The following RBFOX1 variants were observed in gnomAD, a reference collection of about 807,000 sequenced individuals.
The protein encoded by RBFOX1 is RNA binding fox-1 homolog 1.
A neutral mutation model predicts 57.7 loss-of-function variants in RBFOX1; 8 were observed. The ratio of observed to expected loss-of-function variants is 0.14; its 90% confidence interval spans 0.08 to 0.25. The LOEUF (loss-of-function observed/expected upper bound fraction) is 0.25. Ranked by LOEUF, RBFOX1 falls within the 10% of genes least tolerant of loss-of-function variation. RBFOX1 has a pLI of 1.00. For missense variants in RBFOX1, 611 were observed against 548.5 expected, an observed-to-expected ratio of 1.11 and a Z score of -1.14; for synonymous variants, 326 against 222.4, an observed-to-expected ratio of 1.47 and a Z score of -4.15.
intron 3 of RBFOX1, among the ~76,000 whole-genome samples, chr16:5,652,900 A>G (rs1197829659): frequency 6.6e-6 from 1 of 152,182 alleles, no homozygotes; most frequent in Non-Finnish European, 1.5e-5. Flanking sequence ...TGTATAGTAC[A>G]TATGTGGTTG....
intron 3 of RBFOX1, among the ~76,000 whole-genome samples, chr16:5,647,708 C>G (rs1192606083): frequency 1.3e-5 from 2 of 152,304 alleles, no homozygotes; most frequent in Admixed American, 1.3e-4. Flanking sequence ...CAATAAGAAC[C>G]TGCAACGCCA....
chr16:5,437,764 A>G (rs115573654), intron 1 of RBFOX1, among the ~76,000 whole-genome samples: 2,099 of 152,330 alleles, frequency 0.014, 57 homozygotes, highest in African/African-American at 0.047. Context: ...GCTCTGAGCA[A>G]TTATTCCGTT....
At chr16:6,530,697 G>C (rs538991955) in intron 2 of RBFOX1, among the ~76,000 whole-genome samples, 1 of 152,194 alleles carries the variant, frequency 6.6e-6, no homozygotes, top group African/African-American at 2.4e-5. Flanking sequence ...TACATAGATG[G>C]TGGCAGGTGA....
chr16:7,419,925 CTT>C (rs367626244), intron 4 of RBFOX1, among the ~76,000 whole-genome samples: 24 of 101,716 alleles, frequency 2.4e-4, no homozygotes, highest in Middle Eastern at 4.7e-3. Context: ...TTCTTTCTTC[CTT>C]TTTTTTTTTT....
chr16:7,506,099 T>C (rs1331942376), intron 4 of RBFOX1, among the ~76,000 whole-genome samples: 1 of 140,598 alleles, frequency 7.1e-6, no homozygotes, highest in African/African-American at 2.6e-5. Context: ...GCAGGAGAAC[T>C]GCTTGAACCC....
chr16:6,939,391 G>A (rs963109311), intron 3 of RBFOX1, among the ~76,000 whole-genome samples: 3 of 151,728 alleles, frequency 2.0e-5, no homozygotes, highest in African/African-American at 4.9e-5. Flanking sequence ...GTATGTGTGT[G>A]TGTGTGTGTG....
intron 5 of RBFOX1, among the ~76,000 whole-genome samples, chr16:7,537,796 G>T (rs2081899691): frequency 1.3e-5 from 2 of 152,174 alleles, no homozygotes; most frequent in African/African-American, 4.8e-5. Flanking sequence ...GCAGATTTCA[G>T]TTGAATGCAG....
intron 4 of RBFOX1, among the ~76,000 whole-genome samples, chr16:7,121,446 A>T (rs1036612976): frequency 6.6e-6 from 1 of 152,158 alleles, no homozygotes; most frequent in African/African-American, 2.4e-5. Context: ...TTGGAAGTCA[A>T]AACTTAAAAA....
chr16:6,398,541 A>G (rs1246786750), intron 2 of RBFOX1, among the ~76,000 whole-genome samples: 1 of 152,086 alleles, frequency 6.6e-6, no homozygotes, highest in Non-Finnish European at 1.5e-5. Context: ...AATGAGGGAA[A>G]TTTGCCAAAA....
At position 5,276,082 on chromosome 16, in the gene RBFOX1, C is replaced by T. The variant is rs1484650291; in HGVS notation, c.219+35977C>T. Among the ~76,000 whole-genome samples the T allele has an allele frequency of 3.3e-5, 5 of 152,180 alleles. No individual in the cohort carries two copies. The South Asian group carries it at 6.2e-4, about 19-fold the overall frequency. ...TCTAAGGTCTGAAACCATAAAAATT[C>T]TTGAAGATAACATTGGAAAACGTTT... On this transcript the variant is annotated intron_variant, in intron 1 of 2. Coordinates refer to the RBFOX1 transcript ENST00000585867.
intron 3 of RBFOX1, among the ~76,000 whole-genome samples, chr16:6,933,118 C>A (rs1373033446): frequency 6.6e-6 from 1 of 152,162 alleles, no homozygotes; most frequent in South Asian, 2.1e-4. Context: ...TATGTGTAAA[C>A]CACATTTCTC....
chr16:5,727,731 C>T (rs571757762), intron 3 of RBFOX1, among the ~76,000 whole-genome samples: 1 of 152,180 alleles, frequency 6.6e-6, no homozygotes, highest in Non-Finnish European at 1.5e-5. Context: ...CCTTGTCACC[C>T]AGGTTGAGTA....
At chr16:5,951,987 A>G (rs1396492143) in intron 4 of RBFOX1, among the ~76,000 whole-genome samples, 2 of 151,092 alleles carry the variant, frequency 1.3e-5, no homozygotes, top group Non-Finnish European at 2.9e-5. Context: ...GGCCTCGCAT[A>G]TATATATATG....
chr16:5,685,186 C>T (rs1438663267), intron 3 of RBFOX1, among the ~76,000 whole-genome samples: 1 of 152,122 alleles, frequency 6.6e-6, no homozygotes, highest in Admixed American at 6.6e-5. Context: ...TATTACAGCT[C>T]CAAGAAGGAG....
intron 1 of RBFOX1, among the ~76,000 whole-genome samples, chr16:6,180,635 G>A (rs943946057): frequency 6.6e-6 from 1 of 150,746 alleles, no homozygotes; most frequent in African/African-American, 2.4e-5. Context: ...TTACGATCTC[G>A]GCTCACTGCA....
chr16:5,954,656 A>G (rs1435412407), intron 4 of RBFOX1, among the ~76,000 whole-genome samples: 9 of 152,144 alleles, frequency 5.9e-5, no homozygotes, highest in Non-Finnish European at 1.3e-4. Flanking sequence ...ATAAGTTGGC[A>G]GAGCAGTCAG....
chr16:7,166,506 G>T (rs981886047), intron 4 of RBFOX1, among the ~76,000 whole-genome samples: 2 of 152,148 alleles, frequency 1.3e-5, no homozygotes, highest in Admixed American at 1.3e-4. Context: ...AGAGGTTGGA[G>T]AAGAAGGAAC....
intron 7 of RBFOX1, among the ~76,000 whole-genome samples, chr16:7,588,342 C>G (rs1352816165): frequency 6.6e-6 from 1 of 152,208 alleles, no homozygotes; most frequent in African/African-American, 2.4e-5. Flanking sequence ...GGCTCCAGCC[C>G]TGATCTGTTG....
intron 1 of RBFOX1, among the ~76,000 whole-genome samples, chr16:5,450,131 A>G (rs9923846): frequency 0.66 from 99,810 of 152,082 alleles, 32,879 homozygotes; most frequent in African/African-American, 0.71. Flanking sequence ...GTTGGGCAGG[A>G]GAGGTGGCAT....
Sources: gnomAD v4.1 joint callset for allele counts (sites outside exome capture counted in the v4.1 genomes callset) on GRCh38, gnomAD v4.1.1 for gene constraint, MANE v1.5 for transcripts, NCBI Gene and HGNC (gene_info 2026-07-23, HGNC 2026-07-21) for gene names.